ESRRG: variants seen among roughly 807,000 people sequenced by gnomAD.
ESRRG encodes estrogen related receptor gamma, also known as estrogen-related receptor gamma.
A neutral mutation model predicts 44.0 loss-of-function variants in ESRRG; 13 were observed. The ratio of observed to expected loss-of-function variants is 0.30; its 90% CI spans 0.19 to 0.47. The LOEUF is 0.47. Among genes scored for constraint, ESRRG ranks in the 20% least tolerant of loss-of-function variants. ESRRG has a pLI of 1.00. For missense variants in ESRRG, 395 were observed against 580.6 expected (o/e 0.68, Z 3.29); for synonymous variants, 215 against 214.6 (o/e 1.00, Z -0.02).
chr1:216,597,805 A>G (rs2058655934), intron 3 of ESRRG, among the ~76,000 whole-genome samples: 1 of 152,304 alleles, frequency 6.6e-6, no homozygotes, highest in East Asian at 1.9e-4. Context: ...TAATACTTCT[A>G]GAGCCACTGA....
At chr1:216,605,561 A>G (rs2059819298) in intron 3 of ESRRG, among the ~76,000 whole-genome samples, 2 of 152,196 alleles carry the variant, frequency 1.3e-5, no homozygotes, top group African/African-American at 2.4e-5. Context: ...AAAAATAACT[A>G]TATGTGTCTA....
intron 3 of ESRRG, among the ~76,000 whole-genome samples, 199 bp downstream of exon 3, chr1:216,650,774 C>T (rs1443010656): frequency 6.6e-6 from 1 of 152,140 alleles, no homozygotes; most frequent in African/African-American, 2.4e-5. Flanking sequence ...GATCCTCCTA[C>T]CTTGTCCCTT....
At position 216,734,904 on chromosome 1, in the gene ESRRG, CTTTTTTTTTTTT is replaced by C. The variant is rs11309409; in HGVS notation, c.-13-57425_-13-57414del. On this transcript the variant is annotated intron_variant, in intron 2 of 7. Coordinates refer to the ESRRG transcript ENST00000359162. ...GTTGGCTACTACATAGTTCCATATTCTTTTTTTTTTTTTTTTTTTTTTGAGACGGAGTCTTCC... is the reference window on the plus strand; with the variant it reads ...GTTGGCTACTACATAGTTCCATATTCTTTTTTTTTTGAGACGGAGTCTTCC... Among the ~76,000 whole-genome samples, 6 of 100,354 alleles carry C rather than the reference CTTTTTTTTTTTT, an allele frequency of 6.0e-5. No homozygotes were observed. The Admixed American group carries it at 6.3e-4, about 10-fold the overall frequency. 65.8% of individuals were successfully genotyped at this position (100,354 alleles called of 152,430 possible).
chr1:216,589,956 A>G (rs1211726212), intron 3 of ESRRG, among the ~76,000 whole-genome samples: 1 of 149,438 alleles, frequency 6.7e-6, no homozygotes, highest in Non-Finnish European at 1.5e-5. Context: ...TTTAGCCCAC[A>G]AAATAGAGAG....
intron 5 of ESRRG, among the ~76,000 whole-genome samples, chr1:216,528,993 C>T (rs1449521785): frequency 6.6e-6 from 1 of 152,070 alleles, no homozygotes; most frequent in Admixed American, 6.6e-5. Context: ...AAGGAGGGTT[C>T]TTGTCTGTTA....
chr1:216,768,496 A>G (rs979322366), intron 2 of ESRRG, among the ~76,000 whole-genome samples: 58 of 124,168 alleles, frequency 4.7e-4, no homozygotes, highest in African/African-American at 1.7e-3. Flanking sequence ...CTATCTATCT[A>G]TCTATATTTT....
intron 1 of ESRRG, among the ~76,000 whole-genome samples, chr1:216,703,619 C>A (rs2081869658): frequency 1.3e-5 from 2 of 148,970 alleles, no homozygotes; most frequent in Non-Finnish European, 1.5e-5. Flanking sequence ...AAAAAATAGA[C>A]AATGGCTTTT....
In ESRRG at chr1:216,906,248, C is replaced by A. The variant is rs534758303; in HGVS notation, c.-14+33334G>T. Among the ~76,000 whole-genome samples, 88 of 152,238 alleles carry A rather than the reference C, an allele frequency of 5.8e-4. 1 individual carries two copies. Among genetic ancestry groups the A allele is most frequent in the African/African-American group, 2.1e-3 (86 of 41,538 alleles). ...ATTTATCTAAAATGAAAGAGAAGAA[C>A]TATCAAACTCTATATAAATATAATA... On this transcript the variant is annotated intron_variant, in intron 2 of 7. Coordinates refer to the ESRRG transcript ENST00000359162.
chr1:216,543,670 T>C (rs967019258), intron 5 of ESRRG, among the ~76,000 whole-genome samples: 1 of 152,030 alleles, frequency 6.6e-6, no homozygotes, highest in East Asian at 1.9e-4. Flanking sequence ...ATTTGCTGTG[T>C]AGTCTCTCAG....
intron 4 of ESRRG, among the ~76,000 whole-genome samples, chr1:216,567,643 T>G (rs1039267838): frequency 6.6e-6 from 1 of 152,140 alleles, no homozygotes; most frequent in Non-Finnish European, 1.5e-5. Flanking sequence ...GAACTAATGA[T>G]CACAGTATGA....
At chr1:216,951,436 C>T (rs944889535) in intron 1 of ESRRG, among the ~76,000 whole-genome samples, 2 of 152,034 alleles carry the variant, frequency 1.3e-5, no homozygotes, top group African/African-American at 2.4e-5. Flanking sequence ...TTAAATTTTC[C>T]ATTTTTAAGC....
chr1:216,859,416 G>A (rs2149079667), intron 2 of ESRRG, among the ~76,000 whole-genome samples: 1 of 152,314 alleles, frequency 6.6e-6, no homozygotes, highest in East Asian at 1.9e-4. Context: ...GTAGAATAGA[G>A]TACTAGAGAA....
At chr1:216,808,317 A>G (rs1345191992) in intron 2 of ESRRG, among the ~76,000 whole-genome samples, 1 of 152,220 alleles carries the variant, frequency 6.6e-6, no homozygotes, top group Non-Finnish European at 1.5e-5. Flanking sequence ...ACTTGGAAGG[A>G]CAAGACAAAA....
intron 2 of ESRRG, among the ~76,000 whole-genome samples, chr1:216,909,003 G>A (rs1385044921): frequency 6.6e-6 from 1 of 151,860 alleles, no homozygotes; most frequent in African/African-American, 2.4e-5. Context: ...TTTGCTACTG[G>A]TCATTTCAGG....
intron 2 of ESRRG, among the ~76,000 whole-genome samples, chr1:216,827,095 A>G (rs1256924241): frequency 6.6e-6 from 1 of 152,190 alleles, no homozygotes; most frequent in Non-Finnish European, 1.5e-5. Flanking sequence ...AAAATTATTT[A>G]TACTTAATGT....
chr1:217,033,345 C>A (rs1034081642), intron 1 of ESRRG, among the ~76,000 whole-genome samples: 2 of 152,152 alleles, frequency 1.3e-5, no homozygotes, highest in Non-Finnish European at 2.9e-5. Flanking sequence ...GCCTCTCCAC[C>A]CCTGTGAGTT....
chr1:216,737,440 G>C (rs1170440036), intron 2 of ESRRG, among the ~76,000 whole-genome samples: 2 of 152,002 alleles, frequency 1.3e-5, no homozygotes, highest in African/African-American at 4.8e-5. Context: ...ATATAGCATT[G>C]GTTTCAACCT....
intron 1 of ESRRG, among the ~76,000 whole-genome samples, chr1:216,995,066 C>A (rs1370683083): frequency 6.6e-6 from 1 of 152,164 alleles, no homozygotes; most frequent in Non-Finnish European, 1.5e-5. Flanking sequence ...CTAGCCTGCA[C>A]TTAAAGATCA....
chr1:216,760,420 G>A (rs1292584618), intron 2 of ESRRG, among the ~76,000 whole-genome samples: 1 of 151,784 alleles, frequency 6.6e-6, no homozygotes, highest in Non-Finnish European at 1.5e-5. Flanking sequence ...TGATATCCAT[G>A]GCCTGAGATT....
Sources: allele counts gnomAD v4.1 joint callset (sites outside exome capture counted in the v4.1 genomes callset), GRCh38; gene constraint gnomAD v4.1.1; transcripts MANE v1.5; gene names NCBI Gene and HGNC (gene_info 2026-07-23, HGNC 2026-07-21).